Variants in FTO observed in about 807,000 individuals in gnomAD.
The protein encoded by FTO is alpha-ketoglutarate-dependent dioxygenase FTO.
In FTO, 47 loss-of-function variants were observed where a neutral mutation model predicts 63.9. The observed-to-expected ratio is 0.74, with a 90% CI of 0.58 to 0.94. FTO has a LOEUF of 0.94. FTO is among the 40% of genes least tolerant of loss of function. The pLI is 0.00. For missense variants in FTO, 562 were observed against 618.1 expected (o/e 0.91, Z 0.96); for synonymous variants, 207 against 224.4 (o/e 0.92, Z 0.69).
rs1555506072 is a variant in FTO at position 54,074,942 on chromosome 16, G to GTGTGTA, written c.1365-36815_1365-36814insATGTGT. Among the ~76,000 whole-genome samples the GTGTGTA allele has an allele frequency of 6.7e-3, 996 of 148,606 alleles. 8 individuals are homozygous for GTGTGTA. Among genetic ancestry groups the GTGTGTA allele is most frequent in the African/African-American group, 0.023 (901 of 39,422 alleles). On this transcript the variant is annotated intron_variant, in intron 8 of 8. Transcript: ENST00000471389. ...AGTGTGTGTGTGTGTGTGTGTGTGT[G>GTGTGTA]TGTGTGTGTGTGTAAACTGTTTTAG...
intron 8 of FTO, among the ~76,000 whole-genome samples, chr16:54,025,914 G>A (rs1437373395): frequency 6.6e-6 from 1 of 152,182 alleles, no homozygotes; most frequent in Non-Finnish European, 1.5e-5. Flanking sequence ...TCTGGAGGCT[G>A]AGGCAGGAGA....
intron 1 of FTO, among the ~76,000 whole-genome samples, chr16:53,738,181 C>T (rs1046331033): frequency 2.6e-5 from 4 of 152,044 alleles, no homozygotes; most frequent in Admixed American, 2.6e-4. Flanking sequence ...CGCCACCACG[C>T]CCAGCTAATT....
intron 1 of FTO, chr16:53,711,247 A>G (rs187291829): frequency 1.4e-4 from 55 of 388,262 alleles, no homozygotes; most frequent in African/African-American, 9.9e-4. Flanking sequence ...ATTTTCTCAA[A>G]TGGGGTTCCA....
At chr16:53,964,114 A>G (rs62035800) in intron 8 of FTO, among the ~76,000 whole-genome samples, 129 of 152,302 alleles carry the variant, frequency 8.5e-4, no homozygotes, top group Non-Finnish European at 1.4e-3. Flanking sequence ...GATAATTTAG[A>G]ATGGGTTGAG....
At chr16:53,764,495 AAG>A (rs1012301333) in intron 1 of FTO, among the ~76,000 whole-genome samples, 61 of 151,874 alleles carry the variant, frequency 4.0e-4, no homozygotes, top group African/African-American at 8.0e-4. Flanking sequence ...AAAAAAAGAA[AAG>A]AGGGGCTGAA....
At chr16:53,755,350 G>A (rs186166035) in intron 1 of FTO, among the ~76,000 whole-genome samples, 1 of 152,202 alleles carries the variant, frequency 6.6e-6, no homozygotes, top group African/African-American at 2.4e-5. Flanking sequence ...CAGGTCTGTG[G>A]GAGTCAGAGG....
chr16:53,977,474 T>C (rs1413559879), intron 8 of FTO, among the ~76,000 whole-genome samples: 1 of 152,250 alleles, frequency 6.6e-6, no homozygotes, highest in African/African-American at 2.4e-5. Context: ...GTAGAACTCA[T>C]TCATTCCTAA....
At chr16:54,049,264 C>A (rs1335676334) in intron 8 of FTO, among the ~76,000 whole-genome samples, 1 of 152,122 alleles carries the variant, frequency 6.6e-6, no homozygotes, top group Non-Finnish European at 1.5e-5. Flanking sequence ...CTACAAGTAC[C>A]GTCACTTTTG....
chr16:53,971,592 T>G (rs1307762880), intron 8 of FTO, among the ~76,000 whole-genome samples: 1 of 152,246 alleles, frequency 6.6e-6, no homozygotes, highest in Admixed American at 6.5e-5. Context: ...GTTTGCTTTG[T>G]GTATATGTGT....
intron 8 of FTO, among the ~76,000 whole-genome samples, chr16:54,063,187 T>C (rs1195928062): frequency 1.3e-5 from 2 of 152,184 alleles, no homozygotes; most frequent in African/African-American, 4.8e-5. Flanking sequence ...ATTTTTCTGA[T>C]ACCAATAGGG....
chr16:53,845,729 T>A (rs1170209374), intron 4 of FTO, among the ~76,000 whole-genome samples: 1 of 152,206 alleles, frequency 6.6e-6, no homozygotes, highest in Non-Finnish European at 1.5e-5. Context: ...AGTCCTATTC[T>A]GTGTTTGTTA....
chr16:53,916,683 A>G (rs1302764321), intron 7 of FTO, among the ~76,000 whole-genome samples: 1 of 152,252 alleles, frequency 6.6e-6, no homozygotes, highest in African/African-American at 2.4e-5. Flanking sequence ...ACAGAGCAGT[A>G]TCTGCAAACT....
At chr16:53,852,067 G>C in intron 4 of FTO, among the ~76,000 whole-genome samples, 1 of 135,582 alleles carries the variant, frequency 7.4e-6, no homozygotes, top group African/African-American at 2.9e-5. Context: ...TCCAGCCTGG[G>C]CAACATGGCA....
At position 54,112,034 on chromosome 16, in the gene FTO, G is replaced by C; in HGVS notation, c.*119G>C. ...TTGGCCCCTAGATTGTAGCACCCGG[G>C]TCCCAATCCAAAACAGCTAGGAAAT... is the stretch of plus-strand genomic sequence containing the variant. On this transcript the variant is annotated 3_prime_UTR_variant, in exon 9 of 9. Transcript: ENST00000471389. 9.3e-7 allele frequency: 1 copy of C among 1,073,560 alleles called. No individual in the cohort carries two copies. Among genetic ancestry groups the C allele is most frequent in the Non-Finnish European group, 1.4e-6 (1 of 699,420 alleles). The allele number at this position is 1,073,560 out of a possible 1,614,324, so 66.5% of individuals were successfully genotyped here.
chr16:53,835,497 A>T (rs907653397), intron 3 of FTO, among the ~76,000 whole-genome samples: 4 of 151,784 alleles, frequency 2.6e-5, no homozygotes, highest in Non-Finnish European at 4.4e-5. Context: ...AGGAAATAAT[A>T]TTTTTTTTCA....
At chr16:53,987,501 T>G (rs2050300932) in intron 8 of FTO, among the ~76,000 whole-genome samples, 1 of 150,946 alleles carries the variant, frequency 6.6e-6, no homozygotes, top group African/African-American at 2.4e-5. Flanking sequence ...GAAAATTGCT[T>G]GAACCCAGGA....
chr16:54,112,590 A>G lies in FTO; in HGVS notation c.*675A>G, dbSNP rs1216203010. The G allele has an allele frequency of 2.0e-5, 3 of 152,436 alleles. No homozygotes were observed. The highest frequency in any genetic ancestry group is 4.4e-5 in the Non-Finnish European group (3 of 68,212). The allele number at this position is 152,436 out of a possible 1,614,324, so 9.4% of individuals were successfully genotyped here. ...TCATTTCCATTCGTCTGTAGCTTCT[A>G]TCCCCAAAGGCAAAGAAACTAAAAG... On this transcript the variant is annotated 3_prime_UTR_variant, in exon 9 of 9. Coordinates refer to ENST00000471389, the MANE Select transcript of FTO (RefSeq NM_001080432.3).
chr16:53,796,372 C>CA (rs1159708234), intron 1 of FTO, among the ~76,000 whole-genome samples: 1 of 152,078 alleles, frequency 6.6e-6, no homozygotes, highest in East Asian at 1.9e-4. Context: ...AGTGAACAAA[C>CA]AAAGGTGGGC....
At chr16:53,722,819 C>T (rs1422826408) in intron 1 of FTO, among the ~76,000 whole-genome samples, 4 of 106,316 alleles carry the variant, frequency 3.8e-5, no homozygotes, top group Non-Finnish European at 7.6e-5. Flanking sequence ...CAGGGTGAGA[C>T]GCCACCTCAA....
Sources: allele counts gnomAD v4.1 joint callset (sites outside exome capture counted in the v4.1 genomes callset), GRCh38; gene constraint gnomAD v4.1.1; transcripts MANE v1.5; gene names NCBI Gene and HGNC (gene_info 2026-07-23, HGNC 2026-07-21).